The following BPNT1 variants were observed in gnomAD, a reference collection of about 807,000 sequenced individuals.
The protein encoded by BPNT1 is 3'(2'), 5'-bisphosphate nucleotidase 1, also known as 3'(2'),5'-bisphosphate nucleotidase 1.
Under a neutral mutation model 36.9 loss-of-function variants are expected in BPNT1, and 28 were observed. The ratio of observed to expected loss-of-function variants is 0.76; its 90% CI spans 0.56 to 1.04. The LOEUF is 1.04. Ranked by LOEUF, BPNT1 falls within the 50% of genes least tolerant of loss-of-function variation. The pLI is 0.00. For missense variants in BPNT1, 313 were observed against 372.9 expected, an observed-to-expected ratio of 0.84 and a Z score of 1.32; for synonymous variants, 119 against 130.9, an observed-to-expected ratio of 0.91 and a Z score of 0.62.
At chr1:220,078,549 T>TATATAATTATAA (rs1298850184) in intron 2 of BPNT1, among the ~76,000 whole-genome samples, 8,817 of 139,272 alleles carry the variant, frequency 0.063, 326 homozygotes, top group East Asian at 0.11. Context: ...TATATTATAA[T>TATATAATTATAA]TATATATAAA....
At chr1:220,068,958 T>C (rs1397212186) in intron 5 of BPNT1, among the ~76,000 whole-genome samples, 2 of 152,086 alleles carry the variant, frequency 1.3e-5, no homozygotes, top group Non-Finnish European at 1.5e-5. Flanking sequence ...CTTTAGAAGG[T>C]GAGGCTATGA....
intron 1 of BPNT1, among the ~76,000 whole-genome samples, chr1:220,082,139 TATATATG>T (rs1226807616): frequency 2.0e-4 from 28 of 140,926 alleles, no homozygotes; most frequent in African/African-American, 7.2e-4. Flanking sequence ...ATATATAAAA[TATATATG>T]ATATATATGT....
At chr1:220,062,101 C>T (rs954875966) in intron 7 of BPNT1, among the ~76,000 whole-genome samples, 3 of 150,122 alleles carry the variant, frequency 2.0e-5, no homozygotes, top group African/African-American at 7.3e-5. Flanking sequence ...CTGAAATGTA[C>T]AAATTATAGT....
chr1:220,086,356 C>T (rs1280530107), intron 1 of BPNT1, among the ~76,000 whole-genome samples: 2 of 152,150 alleles, frequency 1.3e-5, no homozygotes, highest in Non-Finnish European at 2.9e-5. Context: ...CTGCAACTTC[C>T]GCCCCCTAGA....
rs1662716452 is a variant in BPNT1, at chr1:220,058,481, C to G, written c.*363G>C. 1 of 984,928 alleles carries G rather than the reference C, an allele frequency of 1.0e-6. No individual in the cohort carries two copies. The highest frequency in any genetic ancestry group is 1.7e-5 in the African/African-American group (1 of 57,374). The allele number at this position is 984,928 out of a possible 1,614,324, so 61.0% of individuals were successfully genotyped here. On this transcript the variant is annotated 3_prime_UTR_variant, in exon 9 of 9. Coordinates refer to ENST00000322067, the MANE Select transcript of BPNT1 (RefSeq NM_006085.6). Reference sequence around the variant, plus strand: ...TCTTAAAATGTATTATTTTGAGAACCAAGTCTTTCTCCTAGCTAAGTAAAT... The same window carrying G: ...TCTTAAAATGTATTATTTTGAGAACGAAGTCTTTCTCCTAGCTAAGTAAAT...
At chr1:220,082,075 T>TAGAG (rs1388940398) in intron 1 of BPNT1, among the ~76,000 whole-genome samples, 1 of 109,038 alleles carries the variant, frequency 9.2e-6, no homozygotes, top group African/African-American at 3.2e-5. Flanking sequence ...TATATATATA[T>TAGAG]ATATATATAT....
At chr1:220,063,868 A>G (rs182669364) in intron 6 of BPNT1, among the ~76,000 whole-genome samples, 61 of 152,330 alleles carry the variant, frequency 4.0e-4, no homozygotes, top group Admixed American at 2.4e-3. Flanking sequence ...CTCAATTTCA[A>G]CTACATTGTT....
At chr1:220,060,933 C>A (rs1335494446) in intron 7 of BPNT1, among the ~76,000 whole-genome samples, 3 of 152,116 alleles carry the variant, frequency 2.0e-5, no homozygotes, top group Non-Finnish European at 4.4e-5. Context: ...TTCTGATTGA[C>A]AATTGATTGG....
At chr1:220,060,248 G>T (rs1214181807) in intron 7 of BPNT1, among the ~76,000 whole-genome samples, 1 of 152,166 alleles carries the variant, frequency 6.6e-6, no homozygotes, top group Non-Finnish European at 1.5e-5. Flanking sequence ...GGCTGAGACA[G>T]GTGGATCACT....
At chr1:220,088,789 T>TAAAA (rs1267059944) in intron 1 of BPNT1, among the ~76,000 whole-genome samples, 6 of 114,120 alleles carry the variant, frequency 5.3e-5, no homozygotes, top group African/African-American at 9.6e-5. Context: ...GAACCTGTCT[T>TAAAA]AAAAAAAAAA....
intron 2 of BPNT1, among the ~76,000 whole-genome samples, chr1:220,078,720 C>T (rs1438988555): frequency 1.3e-5 from 2 of 151,778 alleles, no homozygotes; most frequent in South Asian, 2.1e-4. Flanking sequence ...GCCTCAGCCT[C>T]CTGAGTAGCT....
At chr1:220,078,964 A>G (rs1316908298) in intron 2 of BPNT1, among the ~76,000 whole-genome samples, 2 of 152,168 alleles carry the variant, frequency 1.3e-5, no homozygotes, top group Non-Finnish European at 2.9e-5. Flanking sequence ...ATCACTATAA[A>G]CTTTCTGATA....
chr1:220,072,151 A>G (rs1664121085), intron 4 of BPNT1, among the ~76,000 whole-genome samples: 1 of 150,720 alleles, frequency 6.6e-6, no homozygotes, highest in Non-Finnish European at 1.5e-5. Context: ...TCACGAGGTC[A>G]AGAGATCAAG....
intron 7 of BPNT1, among the ~76,000 whole-genome samples, chr1:220,061,995 T>C (rs1006707128): frequency 6.6e-6 from 1 of 151,250 alleles, no homozygotes; most frequent in African/African-American, 2.4e-5. Context: ...GCAAGAAGCA[T>C]GGAGTCATCC....
chr1:220,085,347 TA>T (rs1340483183), intron 1 of BPNT1, among the ~76,000 whole-genome samples: 4 of 152,232 alleles, frequency 2.6e-5, no homozygotes, highest in Admixed American at 2.6e-4. Context: ...TCTGAAAGCC[TA>T]ATCTAAAACA....
intron 1 of BPNT1, among the ~76,000 whole-genome samples, chr1:220,082,085 TAGAG>T (rs3055555): frequency 0.13 from 13,318 of 102,674 alleles, 908 homozygotes; most frequent in Non-Finnish European, 0.18. Context: ...TATATATATA[TAGAG>T]AGAGAGAGAG....
intron 1 of BPNT1, among the ~76,000 whole-genome samples, chr1:220,081,371 C>T (rs1313828120): frequency 2.0e-5 from 3 of 152,024 alleles, no homozygotes; most frequent in Admixed American, 6.6e-5. Context: ...GGTGAAACCT[C>T]GTCTCTACTA....
chr1:220,079,547 C>T lies in BPNT1; in HGVS notation c.120+180G>A, dbSNP rs1015577835. ...GATTACAGGCATGAGCCACCACGCC[C>T]GGCCTTGGAATCATTTTCAAAGCAG... On this transcript the variant is annotated intron_variant, in intron 2 of 8. Transcript: ENST00000322067. Among the ~76,000 whole-genome samples the T allele has an allele frequency of 4.6e-5, 7 of 152,084 alleles. No homozygotes were observed. The East Asian group carries it at 9.6e-4, about 21-fold the overall frequency.
chr1:220,067,539 G>T (rs1372247392), intron 5 of BPNT1, 146 bp from the exon 6 acceptor site: 1 of 481,682 alleles, frequency 2.1e-6, no homozygotes, highest in East Asian at 3.8e-5. Flanking sequence ...ATAGTGAAAG[G>T]CATAAATGAT....
Sources: allele counts gnomAD v4.1 joint callset (sites outside exome capture counted in the v4.1 genomes callset), GRCh38; gene constraint gnomAD v4.1.1; transcripts MANE v1.5; gene names NCBI Gene and HGNC (gene_info 2026-07-23, HGNC 2026-07-21).